SPIRE2: variants seen among roughly 807,000 people sequenced by gnomAD.
SPIRE2 encodes spire type actin nucleation factor 2.
SPIRE2 carries 76 observed loss-of-function variants against 80.7 expected under a neutral mutation model. The ratio of observed to expected loss-of-function variants is 0.94; its 90% CI spans 0.78 to 1.14. The LOEUF (loss-of-function observed/expected upper bound fraction) is 1.14. SPIRE2 is among the 50% of genes most tolerant of loss of function. The pLI is 0.00. For synonymous variants in SPIRE2, 535 were observed against 432.6 expected (o/e 1.24, Z -2.94); for missense variants, 1,196 against 1,015.3 (o/e 1.18, Z -2.42).
At chr16:89,869,905 C>A in intron 14 of SPIRE2, 145 bp from the exon 15 acceptor site, 1 of 747,356 alleles carries the variant, frequency 1.3e-6, no homozygotes, top group Non-Finnish European at 2.2e-6. Flanking sequence ...GAGATGAACA[C>A]TGCTAGCTGT....
At chr16:89,858,767 G>C (rs1315205425) in intron 8 of SPIRE2, among the ~76,000 whole-genome samples, 1 of 152,234 alleles carries the variant, frequency 6.6e-6, no homozygotes, top group African/African-American at 2.4e-5. Context: ...GACAGCGGAA[G>C]TGCCTCGCTG....
Position 89,830,379 on chromosome 16 carries a change from C to T in SPIRE2, c.244+1585C>T, listed in dbSNP as rs1011393540. On this transcript the variant is annotated intron_variant, in intron 1 of 14. Transcript: ENST00000378247. Reference sequence around the variant, plus strand: ...ACGATCTTTGTTTTCTGTTCATAACCCTGTCTCATGAAGGCGAATGAGTTT... The same window carrying T: ...ACGATCTTTGTTTTCTGTTCATAACTCTGTCTCATGAAGGCGAATGAGTTT... 5.3e-5 allele frequency among the ~76,000 whole-genome samples: 8 copies of T among 151,206 alleles called. 1 individual carries two copies. In the East Asian group the frequency reaches 9.6e-4, roughly 18 times the overall value.
chr16:89,855,638 T>C lies in SPIRE2; in HGVS notation c.930T>C (p.Ala310=), dbSNP rs2041683459. 3 of 1,612,638 alleles carry C rather than the reference T, an allele frequency of 1.9e-6. No individual in the cohort carries two copies. Among genetic ancestry groups the C allele is most frequent in the African/African-American group, 2.7e-5 (2 of 74,862 alleles). Residue 310 remains alanine, a synonymous_variant, in exon 6 of 15, where the codon GCT becomes GCC. Transcript: ENST00000378247. ...TCCCGCCCCGGGTGAAGAAGGACGC[T>C]CACGAGCTCATCCTGGACTTTATCC... is the stretch of plus-strand genomic sequence containing the variant. ...GDIPPRVKKD[A]HELILDFIRS... is the part of the protein sequence containing the mutation.
At chr16:89,847,882 A>C (rs1321436205) in intron 2 of SPIRE2, among the ~76,000 whole-genome samples, 4 of 152,172 alleles carry the variant, frequency 2.6e-5, no homozygotes, top group Non-Finnish European at 5.9e-5. Flanking sequence ...GGTTGGAGTT[A>C]ACCCTTTCAG....
At chr16:89,846,693 A>T (rs1261342299) in intron 2 of SPIRE2, 1 of 150,034 alleles carries the variant, frequency 6.7e-6, no homozygotes, top group Non-Finnish European at 1.5e-5. Context: ...TTGTATTTTT[A>T]GTAGAAGTGG....
At chr16:89,866,867 C>T (rs929674069) in intron 12 of SPIRE2, among the ~76,000 whole-genome samples, 55 of 151,810 alleles carry the variant, frequency 3.6e-4, no homozygotes, top group African/African-American at 1.3e-3. Flanking sequence ...TCTCGGTCTC[C>T]CAAAGTGCTG....
At chr16:89,853,476 C>T (rs114120465) in intron 3 of SPIRE2, among the ~76,000 whole-genome samples, 2,438 of 152,226 alleles carry the variant, frequency 0.016, 74 homozygotes, top group African/African-American at 0.055. Flanking sequence ...CAGGTGTTCC[C>T]GGAAGGACAG....
intron 13 of SPIRE2, 38 bp from the exon 14 acceptor site, chr16:89,869,529 G>A (rs200273652): frequency 7.6e-5 from 107 of 1,408,674 alleles, no homozygotes; most frequent in Non-Finnish European, 4.4e-5. Flanking sequence ...AATGTCTCTG[G>A]TGGTGCCTGG....
intron 9 of SPIRE2, among the ~76,000 whole-genome samples, chr16:89,860,121 G>T (rs898995893): frequency 6.6e-6 from 1 of 152,150 alleles, no homozygotes; most frequent in Non-Finnish European, 1.5e-5. Flanking sequence ...GCAGGAGGAG[G>T]GTCTGGCTCA....
intron 2 of SPIRE2, among the ~76,000 whole-genome samples, chr16:89,847,385 C>T (rs2041572281): frequency 1.3e-5 from 2 of 152,326 alleles, no homozygotes; most frequent in South Asian, 2.1e-4. Context: ...TTCTGAAGTC[C>T]AGGACTCCAG....
intron 7 of SPIRE2, among the ~76,000 whole-genome samples, chr16:89,857,934 G>C (rs2041706632): frequency 7.1e-6 from 1 of 141,784 alleles, no homozygotes; most frequent in Non-Finnish European, 1.5e-5. Context: ...CCAGGCTGGA[G>C]TGCAGTGGCG....
chr16:89,830,453 C>T (rs554762617), intron 1 of SPIRE2, among the ~76,000 whole-genome samples: 1 of 151,454 alleles, frequency 6.6e-6, no homozygotes, highest in South Asian at 2.1e-4. Flanking sequence ...TTACCCTGAA[C>T]TTTCTGTGCC....
In SPIRE2 at chr16:89,836,530, G is replaced by A. The variant is rs190325717; in HGVS notation, c.244+7736G>A. On this transcript the variant is annotated intron_variant, in intron 1 of 14. Coordinates refer to ENST00000378247, the MANE Select transcript of SPIRE2 (RefSeq NM_032451.2). Reference sequence around the variant, plus strand: ...TAGGACGGTTCCCCTAAATACTTCAGCCTGTGTGGTATTAAGCAGACACCA... The same window carrying A: ...TAGGACGGTTCCCCTAAATACTTCAACCTGTGTGGTATTAAGCAGACACCA... 6.2e-5 allele frequency: 17 copies of A among 272,940 alleles called. No individual in the cohort carries two copies. The East Asian group carries it at 1.2e-3, about 19-fold the overall frequency. 16.9% of individuals were successfully genotyped at this position (272,940 alleles called of 1,614,324 possible).
intron 1 of SPIRE2, among the ~76,000 whole-genome samples, chr16:89,839,608 A>G (rs1019872922): frequency 6.6e-6 from 1 of 152,060 alleles, no homozygotes. Context: ...GAAGCAGGAA[A>G]CCCCTGGAGG....
intron 1 of SPIRE2, among the ~76,000 whole-genome samples, chr16:89,842,322 C>A (rs750352330): frequency 4.8e-5 from 7 of 145,284 alleles, no homozygotes; most frequent in Non-Finnish European, 1.0e-4. Flanking sequence ...AAGCGATTCT[C>A]CTCTCTCAGC....
At chr16:89,865,255 C>G (rs1347253592) in intron 12 of SPIRE2, among the ~76,000 whole-genome samples, 1 of 152,170 alleles carries the variant, frequency 6.6e-6, no homozygotes, top group Non-Finnish European at 1.5e-5. Flanking sequence ...ATCTGCCCAC[C>G]TCTGCCTCCC....
At chr16:89,864,747 A>G (rs1406923648) in intron 12 of SPIRE2, among the ~76,000 whole-genome samples, 2 of 152,244 alleles carry the variant, frequency 1.3e-5, no homozygotes, top group African/African-American at 4.8e-5. Flanking sequence ...ACATCATAAA[A>G]GCAAGACCTG....
At chr16:89,855,828 C>T (rs976437360) in intron 6 of SPIRE2, 142 bp downstream of exon 6, 1 of 938,544 alleles carries the variant, frequency 1.1e-6, no homozygotes, top group Non-Finnish European at 1.6e-6. Flanking sequence ...GTGAGGCGGG[C>T]TGGCTTCCTC....
chr16:89,869,056 A>ATATATATGTATG lies in SPIRE2; in HGVS notation c.1807-504_1807-503insGTATGTATATAT, dbSNP rs2041815683. 4.1e-5 allele frequency among the ~76,000 whole-genome samples: 3 copies of ATATATATGTATG among 72,312 alleles called. 1 individual carries two copies. Among genetic ancestry groups the ATATATATGTATG allele is most frequent in the African/African-American group, 2.0e-4 (3 of 14,990 alleles). The allele number at this position is 72,312 out of a possible 152,430, so 47.4% of individuals were successfully genotyped here. On this transcript the variant is annotated intron_variant, in intron 13 of 14. Transcript: ENST00000378247. The stretch of plus-strand genomic sequence containing the variant: ...TAAAAAAAAAAAAAAAAAAAAAAAT[A>ATATATATGTATG]TATATATATATATATATATGTTACC...
Sources: gnomAD v4.1 joint callset for allele counts (sites outside exome capture counted in the v4.1 genomes callset) on GRCh38, gnomAD v4.1.1 for gene constraint, MANE v1.5 for transcripts, NCBI Gene and HGNC (gene_info 2026-07-23, HGNC 2026-07-21) for gene names.